LOC400499: variants seen among roughly 807,000 people sequenced by gnomAD.
At chr16:11,467,272 TA>T in the LOC400499 span, 44,149 of 113,150 alleles carry the variant, frequency 0.39, 7,224 homozygotes, top group Admixed American at 0.5. Context: ...TATTTTTGAG[TA>T]AAAAAAAAAA....
At chr16:11,405,822 G>C in the LOC400499 span, among the ~76,000 whole-genome samples, 2 of 152,138 alleles carry the variant, frequency 1.3e-5, no homozygotes, top group Admixed American at 6.5e-5. Context: ...GGCTTCAAAG[G>C]CTTCTAGTAG....
At chr16:11,498,136 C>T in the LOC400499 span, among the ~76,000 whole-genome samples, 1 of 152,120 alleles carries the variant, frequency 6.6e-6, no homozygotes, top group African/African-American at 2.4e-5. Context: ...AGCTACAAAG[C>T]ATCAAGAAGC....
chr16:11,510,874 G>C, the LOC400499 span, among the ~76,000 whole-genome samples: 1 of 151,662 alleles, frequency 6.6e-6, no homozygotes, highest in Admixed American at 6.6e-5. Flanking sequence ...GGAACTTCAA[G>C]GAGGGATAAA....
At chr16:11,462,926 C>A in the LOC400499 span, among the ~76,000 whole-genome samples, 1 of 152,322 alleles carries the variant, frequency 6.6e-6, no homozygotes. Flanking sequence ...GAGCCCCGGT[C>A]ATCGGCCTGT....
chr16:11,512,845 G>A, the LOC400499 span, among the ~76,000 whole-genome samples: 3 of 152,152 alleles, frequency 2.0e-5, no homozygotes, highest in Admixed American at 6.5e-5. Context: ...GCTGAGGGTC[G>A]GTGTGCGGGG....
the LOC400499 span, chr16:11,417,600 C>T: frequency 3.6e-3 from 1,411 of 395,140 alleles, 16 homozygotes; most frequent in African/African-American, 0.028. Context: ...AAGCCAGCTC[C>T]CCAGTCCCGG....
At chr16:11,466,338 G>A in the LOC400499 span, among the ~76,000 whole-genome samples, 3 of 152,112 alleles carry the variant, frequency 2.0e-5, no homozygotes, top group Non-Finnish European at 2.9e-5. Context: ...CTGAAATGCG[G>A]CCCATGCAGC....
chr16:11,496,487 G>A, the LOC400499 span, among the ~76,000 whole-genome samples: 1 of 152,252 alleles, frequency 6.6e-6, no homozygotes, highest in Non-Finnish European at 1.5e-5. Flanking sequence ...GCATATTGGT[G>A]TGTGCTGTAG....
chr16:11,492,624 A>T, the LOC400499 span, among the ~76,000 whole-genome samples: 1,362 of 152,076 alleles, frequency 9.0e-3, 21 homozygotes, highest in African/African-American at 0.032. Flanking sequence ...CTCTACTAAA[A>T]TTACAAAAAA....
At chr16:11,377,716 G>T in the LOC400499 span, among the ~76,000 whole-genome samples, 1 of 152,088 alleles carries the variant, frequency 6.6e-6, no homozygotes, top group African/African-American at 2.4e-5. Flanking sequence ...TTAGTATTTT[G>T]TTGAGAACTT....
the LOC400499 span, among the ~76,000 whole-genome samples, chr16:11,504,518 C>T: frequency 6.6e-6 from 1 of 152,024 alleles, no homozygotes; most frequent in South Asian, 2.1e-4. Context: ...TACGCCACTG[C>T]ACTTTCCAGC....
At chr16:11,505,516 T>C in the LOC400499 span, among the ~76,000 whole-genome samples, 5 of 146,510 alleles carry the variant, frequency 3.4e-5, no homozygotes, top group African/African-American at 7.5e-5. Context: ...TGCAGTGGTT[T>C]GATCACAGCT....
the LOC400499 span, among the ~76,000 whole-genome samples, chr16:11,457,970 G>C: frequency 2.6e-5 from 4 of 152,254 alleles, no homozygotes; most frequent in African/African-American, 9.6e-5. Flanking sequence ...GGGAGGCCGA[G>C]GCAGGTGGAT....
chr16:11,403,513 A>G, the LOC400499 span, among the ~76,000 whole-genome samples: 3,218 of 152,310 alleles, frequency 0.021, 129 homozygotes, highest in African/African-American at 0.075. Context: ...ACACGCATGC[A>G]CACTGCCTTG....
At chr16:11,424,609 G>A in the LOC400499 span, among the ~76,000 whole-genome samples, 1 of 152,242 alleles carries the variant, frequency 6.6e-6, no homozygotes, top group Admixed American at 6.5e-5. Flanking sequence ...CCGGTGATAA[G>A]ACCCATGTCC....
At chr16:11,494,844 G>T in the LOC400499 span, 1 of 391,280 alleles carries the variant, frequency 2.6e-6, no homozygotes, top group East Asian at 3.6e-5. Context: ...CGACTCACCT[G>T]GGCAACTTCA....
the LOC400499 span, among the ~76,000 whole-genome samples, chr16:11,445,413 T>A: frequency 6.6e-6 from 1 of 151,256 alleles, no homozygotes; most frequent in Admixed American, 6.6e-5. Flanking sequence ...AGAGTGAGAC[T>A]CTTTCTCCAA....
At chr16:11,387,401 C>G in the LOC400499 span, 1 of 931,408 alleles carries the variant, frequency 1.1e-6, no homozygotes, top group African/African-American at 1.7e-5. Context: ...CAGTGGAGAG[C>G]ATGAGGGTGC....
chr16:11,434,623 C>G, the LOC400499 span, among the ~76,000 whole-genome samples: 1 of 152,178 alleles, frequency 6.6e-6, no homozygotes, highest in Admixed American at 6.5e-5. Context: ...AAGAGGAGAG[C>G]AGCAGAAAAG....
Sources: gnomAD v4.1 joint callset for allele counts (sites outside exome capture counted in the v4.1 genomes callset) on GRCh38, gnomAD v4.1.1 for gene constraint, MANE v1.5 for transcripts.